CSMD1: variants seen among roughly 807,000 people sequenced by gnomAD.
The protein encoded by CSMD1 is CUB and sushi domain-containing protein 1.
A neutral mutation model predicts 417.5 loss-of-function variants in CSMD1; 213 were observed. The ratio of observed to expected loss-of-function variants is 0.51; its 90% CI spans 0.46 to 0.57. CSMD1 has a LOEUF of 0.57. Ranked by LOEUF, CSMD1 falls within the 20% of genes least tolerant of loss-of-function variation. The pLI is 0.00. For missense variants in CSMD1, 6,923 were observed against 4,529.7 expected (o/e 1.53, Z -15.17); for synonymous variants, 2,862 against 1,736.8 (o/e 1.65, Z -16.11).
At chr8:3,988,400 T>C (rs1035924886) in intron 5 of CSMD1, among the ~76,000 whole-genome samples, 13 of 152,220 alleles carry the variant, frequency 8.5e-5, no homozygotes, top group African/African-American at 2.9e-4. Context: ...GAATGATAAT[T>C]AGTTATGGTT....
At chr8:3,851,750 A>T (rs148985551) in intron 5 of CSMD1, among the ~76,000 whole-genome samples, 1,984 of 152,288 alleles carry the variant, frequency 0.013, 28 homozygotes, top group African/African-American at 0.025. Flanking sequence ...GAAGGTGAGG[A>T]ATGAAGAGGG....
At chr8:4,160,277 G>C (rs1427394363) in intron 3 of CSMD1, among the ~76,000 whole-genome samples, 2 of 151,876 alleles carry the variant, frequency 1.3e-5, no homozygotes, top group African/African-American at 2.4e-5. Flanking sequence ...TCTGATTCTT[G>C]GAAAGTACTG....
chr8:3,691,432 A>G (rs1285415912), intron 7 of CSMD1, among the ~76,000 whole-genome samples: 1 of 152,202 alleles, frequency 6.6e-6, no homozygotes, highest in Non-Finnish European at 1.5e-5. Flanking sequence ...GTGTCAATGA[A>G]GAGAAGATTG....
chr8:3,695,823 A>C (rs1168853804), intron 7 of CSMD1, among the ~76,000 whole-genome samples: 1 of 152,200 alleles, frequency 6.6e-6, no homozygotes, highest in Non-Finnish European at 1.5e-5. Flanking sequence ...TTCCAACTTA[A>C]AATAGCATTA....
chr8:3,561,226 A>G (rs4875737), intron 10 of CSMD1, among the ~76,000 whole-genome samples: 8,227 of 152,268 alleles, frequency 0.054, 392 homozygotes, highest in Admixed American at 0.15. Context: ...ACAGTATGGA[A>G]GTTTCTCAAA....
intron 5 of CSMD1, among the ~76,000 whole-genome samples, chr8:3,780,433 G>T (rs569146086): frequency 1.3e-5 from 2 of 152,324 alleles, no homozygotes; most frequent in African/African-American, 4.8e-5. Context: ...TGACTCACTA[G>T]TAAGAGTGGA....
chr8:3,223,811 G>A lies in CSMD1; in HGVS notation c.4402C>T (p.Pro1468Ser), dbSNP rs769786483. The A allele has an allele frequency of 6.2e-7, 1 of 1,613,860 alleles. No homozygotes were observed. The highest frequency in any genetic ancestry group is 8.5e-7 in the Non-Finnish European group (1 of 1,179,820). ...TCCTTCCCAGGAGGATACGGCTGTGGGTAGTTGGGTGACAAAATAACACCT... is the reference window on the plus strand; with the variant it reads ...TCCTTCCCAGGAGGATACGGCTGTGAGTAGTTGGGTGACAAAATAACACCT... Reference protein sequence around the residue: ...PAGVILSPNYPQPYPPGKECD... With the variant: ...PAGVILSPNYSQPYPPGKECD... Residue 1468 changes from proline (P) to serine (S), a missense_variant, in exon 28 of 70, where the codon CCA (proline) becomes TCA (serine). Pro to Ser is a moderately conservative substitution (Grantham distance 74). Transcript: ENST00000635120.
At position 4,913,017 on chromosome 8, in the gene CSMD1, G is replaced by C. The variant is rs560804586; in HGVS notation, c.85+81315C>G. 4.6e-5 allele frequency among the ~76,000 whole-genome samples: 7 copies of C among 152,212 alleles called. No individual in the cohort carries two copies. In the South Asian group the frequency reaches 1.2e-3, roughly 27 times the overall value. ...TTGGCCAGGATAGTCTCGAACTCCTGACCTCAAGTGATCCACCTGCCTCGG... is the reference window on the plus strand; with the variant it reads ...TTGGCCAGGATAGTCTCGAACTCCTCACCTCAAGTGATCCACCTGCCTCGG... On this transcript the variant is annotated intron_variant, in intron 1 of 69. Transcript: ENST00000635120.
Position 4,040,985 on chromosome 8 carries a change from C to T in CSMD1, c.416-8886G>A, listed in dbSNP as rs572531988. Among the ~76,000 whole-genome samples the T allele has an allele frequency of 8.3e-5, 12 of 144,136 alleles. No homozygotes were observed. The South Asian group carries it at 2.6e-3, about 32-fold the overall frequency. 94.6% of individuals were successfully genotyped at this position (144,136 alleles called of 152,430 possible). On this transcript the variant is annotated intron_variant, in intron 3 of 69. Transcript: ENST00000635120. Reference sequence around the variant, plus strand: ...CTTCACTAGTGAATCCTCACGTGGTCCTATATTTTCTTTTCTTTCTTTTTT... The same window carrying T: ...CTTCACTAGTGAATCCTCACGTGGTTCTATATTTTCTTTTCTTTCTTTTTT...
chr8:4,314,203 G>C (rs1798795362), intron 3 of CSMD1, among the ~76,000 whole-genome samples: 1 of 151,854 alleles, frequency 6.6e-6, no homozygotes, highest in Non-Finnish European at 1.5e-5. Flanking sequence ...TTATTTTCAA[G>C]ACTGCAGTCA....
intron 26 of CSMD1, among the ~76,000 whole-genome samples, chr8:3,272,372 C>G (rs1801932760): frequency 1.3e-5 from 2 of 150,346 alleles, no homozygotes; most frequent in African/African-American, 4.9e-5. Context: ...TCTGATGCCT[C>G]CAGCTTTGTT....
At chr8:2,999,665 G>A (rs1807224102) in intron 53 of CSMD1, among the ~76,000 whole-genome samples, 1 of 152,052 alleles carries the variant, frequency 6.6e-6, no homozygotes, top group South Asian at 2.1e-4. Flanking sequence ...TAAAATCAAG[G>A]AGGAGGAATC....
At chr8:4,635,453 G>C (rs1314179158) in intron 2 of CSMD1, among the ~76,000 whole-genome samples, 1 of 151,958 alleles carries the variant, frequency 6.6e-6, no homozygotes, top group Non-Finnish European at 1.5e-5. Context: ...AGACATACCT[G>C]TCAGTCAAAT....
intron 23 of CSMD1, among the ~76,000 whole-genome samples, chr8:3,341,958 CA>C (rs1238798905): frequency 6.6e-6 from 1 of 152,116 alleles, no homozygotes; most frequent in Non-Finnish European, 1.5e-5. Context: ...CATCTGCAAG[CA>C]AAATGGTTTT....
At chr8:4,808,627 G>C (rs997369988) in intron 1 of CSMD1, among the ~76,000 whole-genome samples, 13 of 152,178 alleles carry the variant, frequency 8.5e-5, no homozygotes, top group Non-Finnish European at 1.6e-4. Context: ...ATAGAACACA[G>C]CCAGCAATCA....
chr8:3,219,510 T>C (rs930298870), intron 28 of CSMD1, 68 bp from the exon 29 acceptor site: 7 of 1,148,872 alleles, frequency 6.1e-6, no homozygotes, highest in Non-Finnish European at 8.1e-6. Flanking sequence ...TGGTAAGCCT[T>C]TGAGCTCAGA....
intron 12 of CSMD1, among the ~76,000 whole-genome samples, chr8:3,411,457 C>G (rs2116921639): frequency 6.6e-6 from 1 of 151,976 alleles, no homozygotes; most frequent in East Asian, 2.0e-4. Context: ...CACACCCTTT[C>G]CCCGAGTCCC....
At chr8:4,006,074 G>C (rs936829251) in intron 4 of CSMD1, among the ~76,000 whole-genome samples, 1 of 152,214 alleles carries the variant, frequency 6.6e-6, no homozygotes, top group South Asian at 2.1e-4. Flanking sequence ...TGGAGGAAGA[G>C]CATTCCCAAC....
intron 5 of CSMD1, among the ~76,000 whole-genome samples, chr8:3,807,960 A>C (rs1298933146): frequency 6.6e-6 from 1 of 152,214 alleles, no homozygotes; most frequent in Non-Finnish European, 1.5e-5. Context: ...ATAACTTGTC[A>C]AACAAGACAT....
Sources: allele counts gnomAD v4.1 joint callset (sites outside exome capture counted in the v4.1 genomes callset), GRCh38; gene constraint gnomAD v4.1.1; transcripts MANE v1.5; gene names NCBI Gene and HGNC (gene_info 2026-07-23, HGNC 2026-07-21).